The following TDRD3 variants were observed in gnomAD, a reference collection of about 807,000 sequenced individuals.
TDRD3 encodes the protein tudor domain-containing protein 3.
Under a neutral mutation model 86.7 loss-of-function variants are expected in TDRD3, and 45 were observed. The observed-to-expected ratio is 0.52, with a 90% CI of 0.41 to 0.67. TDRD3 has a LOEUF of 0.67. Ranked by LOEUF, TDRD3 falls within the 30% of genes least tolerant of loss-of-function variation. The pLI is 0.00. For missense variants in TDRD3, 814 were observed against 889.0 expected, an observed-to-expected ratio of 0.92 and a Z score of 1.07; for synonymous variants, 298 against 301.7, an observed-to-expected ratio of 0.99 and a Z score of 0.13.
chr13:60,454,673 T>G (rs554871431), intron 3 of TDRD3, among the ~76,000 whole-genome samples: 53 of 152,352 alleles, frequency 3.5e-4, no homozygotes, highest in African/African-American at 1.2e-3. Flanking sequence ...AGTTGCAGTG[T>G]TGTTACTGCC....
intron 6 of TDRD3, among the ~76,000 whole-genome samples, chr13:60,484,460 G>A (rs1424799196): frequency 2.0e-5 from 3 of 152,098 alleles, no homozygotes; most frequent in Non-Finnish European, 4.4e-5. Context: ...AGAGTGCTGG[G>A]CTAAGAGTAG....
rs377389359 is a variant in TDRD3, at chr13:60,528,434, A to G, written c.1209A>G (p.Gly403=). The stretch of plus-strand genomic sequence containing the variant: ...GATCATCAAATACTGAGCAAAATGG[A>G]GTAAAAGATAATAATCATCTGAGAC... The part of the protein sequence containing the change: ...QYRSSNTEQN[G]VKDNNHLRHP... Residue 403 remains glycine, a synonymous_variant, in exon 11 of 14, where the codon GGA becomes GGG. Coordinates refer to ENST00000377881, the MANE Select transcript of TDRD3 (RefSeq NM_001146070.2). The G allele has an allele frequency of 2.2e-5, 35 of 1,609,224 alleles. No homozygotes were observed. The highest frequency in any genetic ancestry group is 2.9e-5 in the Non-Finnish European group (34 of 1,177,440).
intron 5 of TDRD3, among the ~76,000 whole-genome samples, chr13:60,468,612 T>C (rs1956002217): frequency 6.6e-6 from 1 of 151,944 alleles, no homozygotes; most frequent in African/African-American, 2.4e-5. Flanking sequence ...ATCTTGCATC[T>C]GTATCTCAAG....
chr13:60,504,939 A>C (rs1956904825), intron 8 of TDRD3, among the ~76,000 whole-genome samples: 1 of 152,194 alleles, frequency 6.6e-6, no homozygotes, highest in African/African-American at 2.4e-5. Flanking sequence ...AGTCTTCACA[A>C]CCTGCACACC....
chr13:60,532,374 C>T (rs1322190250), intron 11 of TDRD3, among the ~76,000 whole-genome samples: 1 of 152,094 alleles, frequency 6.6e-6, no homozygotes, highest in Non-Finnish European at 1.5e-5. Context: ...TTACACCACC[C>T]TTAACCATTG....
intron 3 of TDRD3, among the ~76,000 whole-genome samples, chr13:60,446,415 A>G (rs1955400633): frequency 6.6e-6 from 1 of 151,892 alleles, no homozygotes; most frequent in African/African-American, 2.4e-5. Flanking sequence ...TTTAGTAGAG[A>G]TGGATTTCTC....
At chr13:60,446,446 CA>C (rs1356538071) in intron 3 of TDRD3, among the ~76,000 whole-genome samples, 1 of 152,040 alleles carries the variant, frequency 6.6e-6, no homozygotes, top group Non-Finnish European at 1.5e-5. Flanking sequence ...AGTCTGGTCT[CA>C]AACTCCTGAC....
chr13:60,519,978 C>G (rs1957256239), intron 10 of TDRD3, among the ~76,000 whole-genome samples: 2 of 152,050 alleles, frequency 1.3e-5, no homozygotes, highest in South Asian at 2.1e-4. Context: ...TCTTAGAATT[C>G]TCATGATTTG....
intron 1 of TDRD3, among the ~76,000 whole-genome samples, chr13:60,412,175 A>G (rs1009725878): frequency 4.6e-5 from 7 of 152,216 alleles, no homozygotes; most frequent in African/African-American, 1.7e-4. Flanking sequence ...ATATCCAATC[A>G]TGTGACAGTA....
intron 10 of TDRD3, among the ~76,000 whole-genome samples, chr13:60,514,549 G>A (rs1476844356): frequency 6.6e-6 from 1 of 152,140 alleles, no homozygotes; most frequent in Non-Finnish European, 1.5e-5. Context: ...TGGGCAGAAG[G>A]CTTCTTAGGG....
At chr13:60,566,653 T>TCA (rs1237822446) in intron 12 of TDRD3, among the ~76,000 whole-genome samples, 1 of 152,172 alleles carries the variant, frequency 6.6e-6, no homozygotes, top group Non-Finnish European at 1.5e-5. Flanking sequence ...GCTAATTTTT[T>TCA]CTCTCTCTAA....
At chr13:60,474,299 C>T (rs1362156131) in intron 5 of TDRD3, among the ~76,000 whole-genome samples, 1 of 152,196 alleles carries the variant, frequency 6.6e-6, no homozygotes, top group Non-Finnish European at 1.5e-5. Context: ...GCCCCCTTGT[C>T]TTGTATCCAA....
chr13:60,400,663 A>G (rs1026743882), intron 1 of TDRD3, among the ~76,000 whole-genome samples: 7 of 151,690 alleles, frequency 4.6e-5, no homozygotes, highest in African/African-American at 1.7e-4. Context: ...GCTTGAACCC[A>G]GGAGGCGGAG....
At chr13:60,506,212 T>C (rs779459207) in intron 8 of TDRD3, among the ~76,000 whole-genome samples, 90 of 151,766 alleles carry the variant, frequency 5.9e-4, no homozygotes, top group Non-Finnish European at 7.7e-4. Flanking sequence ...GCCAGAAGAG[T>C]GGTGGCCACT....
intron 12 of TDRD3, among the ~76,000 whole-genome samples, chr13:60,538,263 A>G (rs961974559): frequency 6.6e-6 from 1 of 152,016 alleles, no homozygotes; most frequent in Non-Finnish European, 1.5e-5. Flanking sequence ...GTCTTTGAGT[A>G]CACATTTATA....
chr13:60,533,951 A>C (rs1005127147), intron 11 of TDRD3, among the ~76,000 whole-genome samples: 7 of 152,214 alleles, frequency 4.6e-5, no homozygotes, highest in African/African-American at 1.7e-4. Flanking sequence ...GGATGGGATG[A>C]TCTGTACTGA....
chr13:60,411,171 G>GCTATGATAGTTCACAATA (rs1954355727), intron 1 of TDRD3, among the ~76,000 whole-genome samples: 1 of 152,164 alleles, frequency 6.6e-6, no homozygotes, highest in Non-Finnish European at 1.5e-5. Context: ...GACTTAGTTA[G>GCTATGATAGTTCACAATA]CTATGATAGT....
chr13:60,508,142 T>C (rs1018517940), intron 8 of TDRD3, among the ~76,000 whole-genome samples: 1 of 152,160 alleles, frequency 6.6e-6, no homozygotes, highest in Non-Finnish European at 1.5e-5. Context: ...TGGAAAAATA[T>C]TCCATGCTCA....
chr13:60,544,300 C>T (rs1957885330), intron 12 of TDRD3, among the ~76,000 whole-genome samples: 1 of 151,466 alleles, frequency 6.6e-6, no homozygotes, highest in African/African-American at 2.4e-5. Flanking sequence ...AAAAATTAGC[C>T]AGGTGAGGTG....
Sources: allele counts gnomAD v4.1 joint callset (sites outside exome capture counted in the v4.1 genomes callset), GRCh38; gene constraint gnomAD v4.1.1; transcripts MANE v1.5; gene names NCBI Gene and HGNC (gene_info 2026-07-23, HGNC 2026-07-21).